Variants in MNAT1 observed in about 807,000 individuals in gnomAD.
MNAT1 encodes CDK-activating kinase assembly factor MAT1.
Under a neutral mutation model 42.0 loss-of-function variants are expected in MNAT1, and 43 were observed. The observed-to-expected ratio is 1.02, with a 90% CI of 0.80 to 1.32. MNAT1 has a LOEUF of 1.32. Among genes scored for constraint, MNAT1 ranks in the 40% most tolerant of loss-of-function variants. The probability of loss-of-function intolerance (pLI) is 0.00; values close to 1 mark genes in which losing one functional copy is unlikely to be tolerated. For synonymous variants in MNAT1, 118 were observed against 120.0 expected, an observed-to-expected ratio of 0.98 and a Z score of 0.11; for missense variants, 306 against 350.4, an observed-to-expected ratio of 0.87 and a Z score of 1.01.
chr14:60,775,495 A>G (rs529146237), intron 1 of MNAT1, among the ~76,000 whole-genome samples: 2 of 152,322 alleles, frequency 1.3e-5, no homozygotes, highest in Non-Finnish European at 2.9e-5. Flanking sequence ...ATTTAAAAAA[A>G]TGGTTGTTGA....
chr14:60,761,059 C>G (rs1444986992), intron 1 of MNAT1, among the ~76,000 whole-genome samples: 5 of 152,092 alleles, frequency 3.3e-5, no homozygotes, highest in Non-Finnish European at 7.3e-5. Context: ...ATGAATAACT[C>G]CTTTGGAAAA....
At chr14:60,935,323 C>T (rs2035972599) in intron 7 of MNAT1, among the ~76,000 whole-genome samples, 1 of 146,884 alleles carries the variant, frequency 6.8e-6, no homozygotes, top group Admixed American at 6.8e-5. Context: ...CCCATCCCTC[C>T]CTCCCTCCCT....
chr14:60,779,676 C>T (rs927760928), intron 1 of MNAT1, among the ~76,000 whole-genome samples: 1 of 151,948 alleles, frequency 6.6e-6, no homozygotes, highest in Non-Finnish European at 1.5e-5. Context: ...ATCCCAGCTA[C>T]TCAGGAGGCT....
At chr14:60,769,837 GT>G (rs904429624) in intron 1 of MNAT1, among the ~76,000 whole-genome samples, 1 of 151,516 alleles carries the variant, frequency 6.6e-6, no homozygotes, top group Non-Finnish European at 1.5e-5. Flanking sequence ...TTTTTAAAAT[GT>G]TTTTTTTGTA....
At chr14:60,920,325 C>A (rs865930328) in intron 7 of MNAT1, among the ~76,000 whole-genome samples, 1 of 152,186 alleles carries the variant, frequency 6.6e-6, no homozygotes. Flanking sequence ...GGGCTACTTT[C>A]TGCATCTTTA....
At chr14:60,904,744 A>C (rs1231499518) in intron 7 of MNAT1, among the ~76,000 whole-genome samples, 5 of 152,094 alleles carry the variant, frequency 3.3e-5, no homozygotes, top group Admixed American at 2.6e-4. Flanking sequence ...CTCAGAAAGA[A>C]AGCACTAAGT....
chr14:60,846,241 A>C (rs1356036351), intron 6 of MNAT1, among the ~76,000 whole-genome samples: 1 of 151,440 alleles, frequency 6.6e-6, no homozygotes, highest in African/African-American at 2.4e-5. Flanking sequence ...TTCTAAGTTG[A>C]ATTTCTGTAG....
chr14:60,874,678 A>G (rs2034399207), intron 6 of MNAT1, among the ~76,000 whole-genome samples: 1 of 152,092 alleles, frequency 6.6e-6, no homozygotes, highest in South Asian at 2.1e-4. Context: ...TATAACTTAT[A>G]ATTAGTATAT....
intron 7 of MNAT1, among the ~76,000 whole-genome samples, chr14:60,941,633 G>C (rs1030972699): frequency 6.6e-6 from 1 of 151,810 alleles, no homozygotes; most frequent in East Asian, 1.9e-4. Context: ...TTGAGCCCAG[G>C]AGTTCAAGGC....
chr14:60,781,494 A>G (rs1360275636), intron 1 of MNAT1, among the ~76,000 whole-genome samples: 4 of 152,136 alleles, frequency 2.6e-5, no homozygotes, highest in African/African-American at 7.2e-5. Flanking sequence ...TGTTGTTTTT[A>G]GAGATGATGG....
At chr14:60,912,458 A>T (rs1000392339) in intron 7 of MNAT1, among the ~76,000 whole-genome samples, 2 of 152,132 alleles carry the variant, frequency 1.3e-5, no homozygotes, top group African/African-American at 2.4e-5. Flanking sequence ...AGTGGCTGGC[A>T]CCGGTTGTTC....
chr14:60,783,872 C>T (rs1308748596), intron 1 of MNAT1, among the ~76,000 whole-genome samples: 2 of 152,132 alleles, frequency 1.3e-5, no homozygotes, highest in Non-Finnish European at 2.9e-5. Context: ...CTCTGTCACC[C>T]AGGGTGTAAT....
At chr14:60,772,518 C>A (rs1275143056) in intron 1 of MNAT1, among the ~76,000 whole-genome samples, 2 of 151,742 alleles carry the variant, frequency 1.3e-5, no homozygotes, top group Non-Finnish European at 2.9e-5. Context: ...ATTGCTTGAA[C>A]CAGGAGGCGG....
chr14:60,789,604 T>A (rs2031755755), intron 1 of MNAT1, among the ~76,000 whole-genome samples: 1 of 152,196 alleles, frequency 6.6e-6, no homozygotes, highest in African/African-American at 2.4e-5. Flanking sequence ...TTCATAAAGT[T>A]AGACAGACTT....
chr14:60,757,539 A>G (rs2030412448), intron 1 of MNAT1, among the ~76,000 whole-genome samples: 1 of 152,222 alleles, frequency 6.6e-6, no homozygotes, highest in African/African-American at 2.4e-5. Context: ...ACCAAACAGC[A>G]GCTATGAGCT....
chr14:60,878,080 A>G (rs186587394), intron 6 of MNAT1, among the ~76,000 whole-genome samples: 2 of 152,222 alleles, frequency 1.3e-5, no homozygotes, highest in Non-Finnish European at 1.5e-5. Context: ...AAAAACAAAA[A>G]CACTGATTAC....
chr14:60,832,888 T>C (rs1566785876), intron 6 of MNAT1, among the ~76,000 whole-genome samples: 2 of 152,214 alleles, frequency 1.3e-5, no homozygotes, highest in East Asian at 3.8e-4. Flanking sequence ...GAAAAGGTCC[T>C]TCACATCCCT....
chr14:60,968,611 C>A lies in MNAT1; in HGVS notation c.*262C>A. 1.0e-6 allele frequency: 1 copy of A among 962,210 alleles called. No individual in the cohort carries two copies. The highest frequency in any genetic ancestry group is 1.5e-6 in the Non-Finnish European group (1 of 687,684). 59.6% of individuals were successfully genotyped at this position (962,210 alleles called of 1,614,324 possible). ...ATGGAAGAGAGGAATAAATAATTCA[C>A]CTATATGTGTTTGAGGTTGTGACAG... is the stretch of plus-strand genomic sequence containing the variant. On this transcript the variant is annotated 3_prime_UTR_variant, in exon 8 of 8. Coordinates refer to ENST00000261245, the MANE Select transcript of MNAT1 (RefSeq NM_002431.4).
chr14:60,903,318 A>G (rs191548307), intron 7 of MNAT1, among the ~76,000 whole-genome samples: 3 of 152,116 alleles, frequency 2.0e-5, no homozygotes, highest in South Asian at 2.1e-4. Context: ...AGTACTTCCT[A>G]TATTCCTAGA....
Sources: allele counts gnomAD v4.1 joint callset (sites outside exome capture counted in the v4.1 genomes callset), GRCh38; gene constraint gnomAD v4.1.1; transcripts MANE v1.5; gene names NCBI Gene and HGNC (gene_info 2026-07-23, HGNC 2026-07-21).